The following ZER1 variants were observed in gnomAD, a reference collection of about 807,000 sequenced individuals.
ZER1 encodes protein zer-1 homolog.
Under a neutral mutation model 78.8 loss-of-function variants are expected in ZER1, and 11 were observed. The observed-to-expected ratio is 0.14, with a 90% CI of 0.09 to 0.23. The LOEUF (loss-of-function observed/expected upper bound fraction) is 0.23. ZER1 is among the 10% of genes least tolerant of loss of function. The pLI, the probability that ZER1 is intolerant of heterozygous loss-of-function variation, is 1.00. For missense variants in ZER1, 588 were observed against 996.9 expected (o/e 0.59, Z 5.52); for synonymous variants, 400 against 407.0 (o/e 0.98, Z 0.21).
chr9:128,755,484 G>A lies in ZER1; in HGVS notation c.82C>T (p.Leu28=). ...AGCCGCAGGGTCTCCTTGTCCAGCA[G>A]GTAGCCCAGGGTGCCATCCAGGTTG... ...LRNLDGTLGY[L]LDKETLRLHP... Residue 28 remains leucine (L), a synonymous_variant, in exon 2 of 16, where the codon CTG becomes TTG. Coordinates refer to ENST00000291900, the MANE Select transcript of ZER1 (RefSeq NM_006336.4). The surrounding 1 kb of genome is among the most constrained non-coding windows in gnomAD (Gnocchi z 5.6). The A allele has an allele frequency of 6.2e-7, 1 of 1,614,060 alleles. No individual in the cohort carries two copies. Among genetic ancestry groups the A allele is most frequent in the Non-Finnish European group, 8.5e-7 (1 of 1,180,016 alleles).
rs1311923387 is a variant in ZER1, at chr9:128,734,150, T to A, written c.2141-622A>T. On this transcript the variant is annotated intron_variant, in intron 14 of 15. Coordinates refer to ENST00000291900, the MANE Select transcript of ZER1 (RefSeq NM_006336.4). ...CTCAAAAAAAAAAAAAAAAAATATATATATATATATATAAAATCTTAAAAA... is the reference window on the plus strand; with the variant it reads ...CTCAAAAAAAAAAAAAAAAAATATAAATATATATATATAAAATCTTAAAAA... Among the ~76,000 whole-genome samples, 23 of 48,746 alleles carry A rather than the reference T, an allele frequency of 4.7e-4. 5 individuals carry two copies. The highest frequency in any genetic ancestry group is 9.0e-4 in the Non-Finnish European group (20 of 22,118). 32.0% of individuals were successfully genotyped at this position (48,746 alleles called of 152,430 possible).
chr9:128,752,996 C>A (rs1388268899), intron 4 of ZER1, 147 bp from the exon 5 acceptor site: 8 of 1,267,436 alleles, frequency 6.3e-6, no homozygotes, highest in Non-Finnish European at 8.6e-6. Context: ...CCCCAAACAG[C>A]CCCAATCCAG....
chr9:128,744,461 GAT>G (rs1352654445), intron 8 of ZER1, among the ~76,000 whole-genome samples: 15 of 150,902 alleles, frequency 9.9e-5, no homozygotes, highest in African/African-American at 1.2e-4. Flanking sequence ...TGGGATTACA[GAT>G]GTGAGCCACC....
rs1315085927 is a variant in ZER1 at position 128,741,845 on chromosome 9, C to T, written c.1576-4G>A. 3.1e-6 allele frequency: 5 copies of T among 1,614,210 alleles called. No homozygotes were observed. The highest frequency in any genetic ancestry group is 3.3e-5 in the Admixed American group (2 of 60,020). On this transcript the variant is annotated splice_polypyrimidine_tract_variant and splice_region_variant and intron_variant, in intron 9 of 15. Transcript: ENST00000291900. ...TCTGAATCAGCTTCAGCATGGTCTG[C>T]AGGCAGGGACAAGAGTCTGCTAGAG...
At chr9:128,770,006 T>G (rs1277910302) in intron 1 of ZER1, among the ~76,000 whole-genome samples, 1 of 152,146 alleles carries the variant, frequency 6.6e-6, no homozygotes, top group Non-Finnish European at 1.5e-5. Context: ...TGACCCTGTA[T>G]CACAAGGACA....
upstream of ZER1, chr9:128,772,078 A>T (rs1864406345): frequency 6.6e-6 from 1 of 151,994 alleles, no homozygotes; most frequent in African/African-American, 2.4e-5. Flanking sequence ...CCGGTGGAGG[A>T]AGCCGCGGGA....
At chr9:128,742,234 C>A (rs1863326656) in intron 9 of ZER1, among the ~76,000 whole-genome samples, 2 of 152,236 alleles carry the variant, frequency 1.3e-5, no homozygotes, top group African/African-American at 2.4e-5. Flanking sequence ...GCTGGGGACA[C>A]AATGACGGAA....
chr9:128,753,066 A>T lies in ZER1; in HGVS notation c.746+98T>A. 1 of 1,312,408 alleles carries T rather than the reference A, an allele frequency of 7.6e-7. No homozygotes were observed. Among genetic ancestry groups the T allele is most frequent in the Middle Eastern group, 2.7e-4 (1 of 3,716 alleles). 81.3% of individuals were successfully genotyped at this position (1,312,408 alleles called of 1,614,324 possible). Reference sequence around the variant, plus strand: ...TTCATCCCCACCCTCTGCCTAGCCAAGCGCTCCTGAACCCTGAGGGCGTGA... The same window carrying T: ...TTCATCCCCACCCTCTGCCTAGCCATGCGCTCCTGAACCCTGAGGGCGTGA... On this transcript the variant is annotated intron_variant, in intron 4 of 15. Coordinates refer to ENST00000291900, the MANE Select transcript of ZER1 (RefSeq NM_006336.4). This position sits in a 1 kb window ranked among gnomAD's most constrained non-coding sequence, Gnocchi z 7.5.
chr9:128,752,950 C>A, intron 4 of ZER1, 101 bp from the exon 5 acceptor site: 3 of 1,438,772 alleles, frequency 2.1e-6, no homozygotes, highest in Non-Finnish European at 2.8e-6. Flanking sequence ...AGGGCCCATT[C>A]CTGCCACAAC....
rs140679952 is a variant in ZER1 at position 128,733,018 on chromosome 9, C to T, written c.2243+408G>A. On this transcript the variant is annotated intron_variant, in intron 15 of 15. Coordinates refer to ENST00000291900, the MANE Select transcript of ZER1 (RefSeq NM_006336.4). Reference sequence around the variant, plus strand: ...CCATGTTTGTGATCTTCACATTCAGCAAACTCACTCGCACTCTGCCTCATC... The same window carrying T: ...CCATGTTTGTGATCTTCACATTCAGTAAACTCACTCGCACTCTGCCTCATC... 7.4e-3 allele frequency: 1,202 copies of T among 162,276 alleles called. 6 individuals carry two copies. Among genetic ancestry groups the T allele is most frequent in the Non-Finnish European group, 0.011 (838 of 73,816 alleles). The allele number at this position is 162,276 out of a possible 1,614,324, so 10.1% of individuals were successfully genotyped here. A position where few individuals can be genotyped will look rare whatever the true frequency, so the allele number is the denominator to read the frequency against.
intron 9 of ZER1, among the ~76,000 whole-genome samples, chr9:128,742,283 C>G (rs1863328285): frequency 6.6e-6 from 1 of 152,220 alleles, no homozygotes; most frequent in Non-Finnish European, 1.5e-5. Flanking sequence ...CTTATGAAAG[C>G]AGGATGAGCG....
rs779716564 is a variant in ZER1, at chr9:128,741,530, A to G, written c.1737+5T>C. 1.2e-6 allele frequency: 2 copies of G among 1,614,046 alleles called. No homozygotes were observed. The highest frequency in any genetic ancestry group is 4.5e-5 in the East Asian group (2 of 44,884). On this transcript the variant is annotated splice_donor_5th_base_variant and intron_variant, in intron 11 of 15. Transcript: ENST00000291900. The stretch of plus-strand genomic sequence containing the variant: ...GCAGCTGCTGCTGCAGGAGGTGGAC[A>G]CTACCTTCAGGCAGTCCAGGAAGAG...
Position 128,754,039 on chromosome 9 carries a change from T to C in ZER1, c.159-80A>G. ...CTTCAAAGCCAAGCCCTCCTCCCCC[T>C]GAAGCTTTCTTGGATCACCCCAAGT... is the stretch of plus-strand genomic sequence containing the variant. On this transcript the variant is annotated intron_variant, in intron 2 of 15. Coordinates refer to ENST00000291900, the MANE Select transcript of ZER1 (RefSeq NM_006336.4). The surrounding 1 kb of genome is among the most constrained non-coding windows in gnomAD (Gnocchi z 4.3). The C allele has an allele frequency of 6.6e-7, 1 of 1,505,818 alleles. No homozygotes were observed. Among genetic ancestry groups the C allele is most frequent in the South Asian group, 1.3e-5 (1 of 78,594 alleles). 93.3% of individuals were successfully genotyped at this position (1,505,818 alleles called of 1,614,324 possible). A position where few individuals can be genotyped will look rare whatever the true frequency, so the allele number is the denominator to read the frequency against.
chr9:128,767,858 T>A (rs188727110), intron 1 of ZER1, among the ~76,000 whole-genome samples: 98 of 152,300 alleles, frequency 6.4e-4, no homozygotes, highest in Non-Finnish European at 9.3e-4. Flanking sequence ...AGGGACCCTA[T>A]GTGATTTCTG....
intron 5 of ZER1, among the ~76,000 whole-genome samples, chr9:128,752,213 G>A (rs1017771340): frequency 6.6e-6 from 1 of 152,066 alleles, no homozygotes; most frequent in Non-Finnish European, 1.5e-5. Context: ...CCCTTGTAAT[G>A]ACTTGATTGT....
chr9:128,751,670 G>A lies in ZER1; in HGVS notation c.924-143C>T. On this transcript the variant is annotated intron_variant, in intron 5 of 15. Coordinates refer to ENST00000291900, the MANE Select transcript of ZER1 (RefSeq NM_006336.4). This position sits in a 1 kb window ranked among gnomAD's most constrained non-coding sequence, Gnocchi z 5.4. The stretch of plus-strand genomic sequence containing the variant: ...CTACTCCTTTTGTTTTTAATGGTAG[G>A]GGACATAAGCACCACCTCCTGATGG... The A allele has an allele frequency of 1.5e-6, 1 of 675,078 alleles. No individual in the cohort carries two copies. Among genetic ancestry groups the A allele is most frequent in the Non-Finnish European group, 2.5e-6 (1 of 392,906 alleles). 41.8% of individuals were successfully genotyped at this position (675,078 alleles called of 1,614,324 possible).
chr9:128,743,304 T>C (rs889496488), intron 8 of ZER1, among the ~76,000 whole-genome samples: 49 of 152,014 alleles, frequency 3.2e-4, no homozygotes, highest in African/African-American at 1.1e-3. Context: ...TTAGTAGAGA[T>C]GGGGTTTCCC....
In ZER1 at chr9:128,755,602, A is replaced by G; in HGVS notation, c.-37T>C. The stretch of plus-strand genomic sequence containing the variant: ...GCAGGTGGGCCACTCCAGGACAAGG[A>G]TCCCCAGGGGCAACAGTGATTCCTG... On this transcript the variant is annotated 5_prime_UTR_variant, in exon 2 of 16. Coordinates refer to ENST00000291900, the MANE Select transcript of ZER1 (RefSeq NM_006336.4). This position sits in a 1 kb window ranked among gnomAD's most constrained non-coding sequence, Gnocchi z 5.6. 1.9e-6 allele frequency: 3 copies of G among 1,593,782 alleles called. No individual in the cohort carries two copies. Among genetic ancestry groups the G allele is most frequent in the Non-Finnish European group, 2.6e-6 (3 of 1,163,714 alleles).
chr9:128,760,214 T>C (rs764459429), intron 1 of ZER1, among the ~76,000 whole-genome samples: 4 of 151,304 alleles, frequency 2.6e-5, no homozygotes, highest in Non-Finnish European at 4.4e-5. Context: ...AAGTTTTTTA[T>C]TTTTTTGAGA....
Sources: gnomAD v4.1 joint callset for allele counts (sites outside exome capture counted in the v4.1 genomes callset) on GRCh38, gnomAD v4.1.1 for gene constraint, Gnocchi (gnomAD v3.1) non-coding constraint, MANE v1.5 for transcripts, NCBI Gene and HGNC (gene_info 2026-07-23, HGNC 2026-07-21) for gene names.